Variants in ACTR8 observed in about 807,000 individuals in gnomAD.
ACTR8 encodes actin-related protein 8.
Under a neutral mutation model 84.3 loss-of-function variants are expected in ACTR8, and 70 were observed. The ratio of observed to expected loss-of-function variants is 0.83; its 90% CI spans 0.68 to 1.01. The LOEUF (loss-of-function observed/expected upper bound fraction) is 1.01. Ranked by LOEUF, ACTR8 falls within the 50% of genes least tolerant of loss-of-function variation. ACTR8 has a pLI of 0.00. For missense variants in ACTR8, 672 were observed against 775.4 expected, an observed-to-expected ratio of 0.87 and a Z score of 1.58; for synonymous variants, 268 against 275.2, an observed-to-expected ratio of 0.97 and a Z score of 0.26.
At chr3:53,875,650 T>G (rs887679788) in intron 7 of ACTR8, among the ~76,000 whole-genome samples, 7 of 152,222 alleles carry the variant, frequency 4.6e-5, no homozygotes, top group Admixed American at 4.6e-4. Context: ...AAACCACAGC[T>G]AAAGACACGA....
In ACTR8 at chr3:53,874,306, G is replaced by C. The variant is rs758529682; in HGVS notation, c.970C>G (p.Arg324Gly). The stretch of plus-strand genomic sequence containing the variant: ...CATTCTCTGTAAGGGAACCCAGCTC[G>C]CTGCATTAGCCAGTAAAAACATCTT... ...VSRCFYWLMQ[R>G]AGFPYRECQL... is the part of the protein sequence containing the mutation. The change falls in exon 8 of 13, where the codon CGA becomes GGA. Residue 324 changes from arginine (R) to glycine (G), a missense_variant. Coordinates refer to ENST00000335754, the MANE Select transcript of ACTR8 (RefSeq NM_022899.5). 6.2e-7 allele frequency: 1 copy of C among 1,614,136 alleles called. No individual in the cohort carries two copies. The highest frequency in any genetic ancestry group is 8.5e-7 in the Non-Finnish European group (1 of 1,180,004).
chr3:53,876,734 A>G (rs1699979595), intron 5 of ACTR8, 21 bp from the exon 6 acceptor site: 2 of 1,357,480 alleles, frequency 1.5e-6, no homozygotes, highest in Admixed American at 4.2e-5. Context: ...GAACAAAGAT[A>G]AAAGGGTTAG....
At chr3:53,868,977 T>C (rs1409364614) in intron 12 of ACTR8, 115 bp from the exon 13 acceptor site, 1 of 1,375,576 alleles carries the variant, frequency 7.3e-7, no homozygotes, top group Non-Finnish European at 9.8e-7. Flanking sequence ...TAAGCCAGGC[T>C]TTCACCCTGT....
chr3:53,876,035 C>G lies in ACTR8; in HGVS notation c.824G>C (p.Gly275Ala). 6 of 1,614,146 alleles carry G rather than the reference C, an allele frequency of 3.7e-6. No homozygotes were observed. Among genetic ancestry groups the G allele is most frequent in the Non-Finnish European group, 5.1e-6 (6 of 1,180,044 alleles). ...GTCTACAATACACGTGCTGCTTAAGCCACTTCCATAGGTGGCACACACAGA... is the reference window on the plus strand; with the variant it reads ...GTCTACAATACACGTGCTGCTTAAGGCACTTCCATAGGTGGCACACACAGA... The part of the protein sequence containing the change: ...QESVCATYGS[G>A]LSSTCIVDVG... The change falls in exon 7 of 13, where the codon GGC becomes GCC. Residue 275 changes from glycine (G) to alanine (A), a missense_variant. Transcript: ENST00000335754.
At chr3:53,876,443 C>T (rs1433205145) in intron 6 of ACTR8, among the ~76,000 whole-genome samples, 177 bp downstream of exon 6, 7 of 151,850 alleles carry the variant, frequency 4.6e-5, no homozygotes, top group South Asian at 2.1e-4. Flanking sequence ...GGCGTGAACC[C>T]GGGAGGTGGA....
Position 53,868,511 on chromosome 3 carries a change from T to C in ACTR8, c.*208A>G. On this transcript the variant is annotated 3_prime_UTR_variant, in exon 13 of 13. Coordinates refer to ENST00000335754, the MANE Select transcript of ACTR8 (RefSeq NM_022899.5). ...AGTTTACAACTGAAGAGAAAGTTCC[T>C]ATTTATTCTCAAATGCCCTGACTAA... 1 of 647,968 alleles carries C rather than the reference T, an allele frequency of 1.5e-6. No homozygotes were observed. The highest frequency in any genetic ancestry group is 2.4e-5 in the South Asian group (1 of 42,148). 40.1% of individuals were successfully genotyped at this position (647,968 alleles called of 1,614,324 possible).
At chr3:53,860,163 T>G in the ACTR8 span, 2 of 1,614,132 alleles carry the variant, frequency 1.2e-6, no homozygotes. Context: ...CTGCCTCTCC[T>G]CCTGCTGTCT....
Position 53,870,098 on chromosome 3 carries a change from C to A in ACTR8, c.1615G>T (p.Gly539Ter), listed in dbSNP as rs1476315413. 2 of 1,614,190 alleles carry A rather than the reference C, an allele frequency of 1.2e-6. No homozygotes were observed. Among genetic ancestry groups the A allele is most frequent in the Non-Finnish European group, 1.7e-6 (2 of 1,180,036 alleles). ...GCTTTATGAAACATCAAACCACCTC[C>A]CACCACTAGGATGGAGCTGTACATC... ...KKMYSSILVV[G>*]GGLMFHKAQE... The change falls in exon 12 of 13, where the codon GGA becomes TGA. Residue 539 changes from glycine (G) to a stop codon, truncating the protein, a stop_gained. Transcript: ENST00000335754. LOFTEE classifies it high-confidence loss of function. The surrounding 1 kb of genome is among the most constrained non-coding windows in gnomAD (Gnocchi z 4.1).
rs760880752 is a variant in ACTR8, at chr3:53,871,526, G to A, written c.1303-30C>T. 7 of 1,610,836 alleles carry A rather than the reference G, an allele frequency of 4.3e-6. No homozygotes were observed. The African/African-American group carries it at 8.0e-5, about 18-fold the overall frequency. ...AAATCAAAAGGACAATCAAGTATGT[G>A]GTATTACAACAACAGAACACTATTG... is the stretch of plus-strand genomic sequence containing the variant. On this transcript the variant is annotated intron_variant, in intron 10 of 12. Transcript: ENST00000335754.
Position 53,869,992 on chromosome 3 carries a change from G to T in ACTR8, c.1721C>A (p.Thr574Lys). Reference sequence around the variant, plus strand: ...AATGAAACAACCTACCTTAGGCCTTGTGATCACATCCACATTTTCAATAAT... The same window carrying T: ...AATGAAACAACCTACCTTAGGCCTTTTGATCACATCCACATTTTCAATAAT... ...RRIIENVDVI[T>K]RPKDMDPRLI... The change falls in exon 12 of 13, where the codon ACA becomes AAA. Residue 574 changes from threonine to lysine, a missense_variant. Thr to Lys is a moderately conservative substitution (Grantham distance 78). Coordinates refer to ENST00000335754, the MANE Select transcript of ACTR8 (RefSeq NM_022899.5). 1 of 1,614,122 alleles carries T rather than the reference G, an allele frequency of 6.2e-7. No individual in the cohort carries two copies. The highest frequency in any genetic ancestry group is 8.5e-7 in the Non-Finnish European group (1 of 1,180,008).
chr3:53,864,536 A>G (rs1183339975), downstream of ACTR8, among the ~76,000 whole-genome samples: 5 of 144,854 alleles, frequency 3.5e-5, no homozygotes, highest in East Asian at 7.9e-4. Context: ...CTATGTCTCC[A>G]AAAAAAAAAA....
downstream of ACTR8, chr3:53,865,886 T>C (rs1699766388): frequency 6.6e-6 from 1 of 152,236 alleles, no homozygotes; most frequent in Admixed American, 6.5e-5. Flanking sequence ...TAGATTCATA[T>C]CTTGATTCTT....
At position 53,868,751 on chromosome 3, in the gene ACTR8, T is replaced by C. The variant is rs775402851; in HGVS notation, c.1843A>G (p.Met615Val). 1 of 1,614,204 alleles carries C rather than the reference T, an allele frequency of 6.2e-7. No individual in the cohort carries two copies. Among genetic ancestry groups the C allele is most frequent in the Non-Finnish European group, 8.5e-7 (1 of 1,180,034 alleles). ...ACAAACGCAGCCCGCTCTCGTAACA[T>C]GCGGACACCAAAGCGCTGCCACTCT... ...QREWQRFGVR[M>V]LRERAAFVW The change falls in exon 13 of 13, where the codon ATG (methionine) becomes GTG (valine). Residue 615 changes from methionine to valine, a missense_variant. Physicochemically the swap from Met to Val is conservative, Grantham distance 21 (BLOSUM62 1). Coordinates refer to ENST00000335754, the MANE Select transcript of ACTR8 (RefSeq NM_022899.5).
chr3:53,877,764 A>G lies in ACTR8; in HGVS notation c.406-13T>C. On this transcript the variant is annotated splice_polypyrimidine_tract_variant and intron_variant, in intron 3 of 12. Coordinates refer to ENST00000335754, the MANE Select transcript of ACTR8 (RefSeq NM_022899.5). Reference sequence around the variant, plus strand: ...TGTAGGAGCGTGCCTGAAAAGAAAAACCATCAGAAAATTATCTCAATTTAT... The same window carrying G: ...TGTAGGAGCGTGCCTGAAAAGAAAAGCCATCAGAAAATTATCTCAATTTAT... The G allele has an allele frequency of 6.2e-7, 1 of 1,609,042 alleles. No homozygotes were observed. Among genetic ancestry groups the G allele is most frequent in the Non-Finnish European group, 8.5e-7 (1 of 1,175,746 alleles).
At chr3:53,878,249 T>C (rs946422091) in intron 3 of ACTR8, 108 bp downstream of exon 3, 15 of 890,286 alleles carry the variant, frequency 1.7e-5, no homozygotes, top group Non-Finnish European at 2.7e-5. Context: ...TCTTCCTTTT[T>C]AAGGAACTCC....
At chr3:53,863,141 A>C (rs1134091), downstream of ACTR8, among the ~76,000 whole-genome samples, 34,517 of 152,206 alleles carry the variant, frequency 0.23, 4,941 homozygotes, top group East Asian at 0.4. Context: ...CATAATACAC[A>C]TAACATGCAA....
downstream of ACTR8, among the ~76,000 whole-genome samples, chr3:53,866,555 C>T (rs1699785966): frequency 6.6e-6 from 1 of 151,900 alleles, no homozygotes; most frequent in East Asian, 1.9e-4. Context: ...GACCTCGGCT[C>T]ACTACAACCT....
chr3:53,876,179 G>A, intron 6 of ACTR8, 99 bp from the exon 7 acceptor site: 1 of 1,430,126 alleles, frequency 7.0e-7, no homozygotes, highest in Non-Finnish European at 9.5e-7. Context: ...AGGGACCTCT[G>A]GGCAGGGCAT....
intron 9 of ACTR8, among the ~76,000 whole-genome samples, chr3:53,872,778 T>C (rs777473700): frequency 5.9e-5 from 9 of 152,210 alleles, no homozygotes; most frequent in Non-Finnish European, 1.2e-4. Flanking sequence ...TACCTCAAAA[T>C]CTACTTCATA....
Sources: allele counts gnomAD v4.1 joint callset (sites outside exome capture counted in the v4.1 genomes callset), GRCh38; gene constraint gnomAD v4.1.1; non-coding constraint Gnocchi (gnomAD v3.1); transcripts MANE v1.5; gene names NCBI Gene and HGNC (gene_info 2026-07-23, HGNC 2026-07-21).